ZBED1: variants seen among roughly 807,000 people sequenced by gnomAD.
ZBED1 encodes the protein E3 SUMO-protein ligase ZBED1.
ZBED1 carries 19 observed loss-of-function variants against 49.7 expected under a neutral mutation model. That is an observed-to-expected ratio of 0.38 (90% CI 0.27 to 0.56). The LOEUF is 0.56. ZBED1 is among the 20% of genes least tolerant of loss of function. The probability of loss-of-function intolerance (pLI) is 0.70; values close to 1 mark genes in which losing one functional copy is unlikely to be tolerated. For missense variants in ZBED1, 806 were observed against 972.6 expected, an observed-to-expected ratio of 0.83 and a Z score of 2.28; for synonymous variants, 439 against 440.3, an observed-to-expected ratio of 1.00 and a Z score of 0.04.
chrX:2,490,712 T>G lies in ZBED1; in HGVS notation c.8A>C (p.Asn3Thr). ME[N>T]KSLESSQTDL... ...TGTCTGGGAGCTCTCCAGGCTTTTATTCTCCATTGCTTCTCCACCGGAGCC... is the reference window on the plus strand; with the variant it reads ...TGTCTGGGAGCTCTCCAGGCTTTTAGTCTCCATTGCTTCTCCACCGGAGCC... Residue 3 changes from asparagine (N) to threonine (T), a missense_variant, in exon 2 of 2, where the codon AAT becomes ACT. Physicochemically the swap from Asn to Thr is moderately conservative, Grantham distance 65. This residue lies in a region of ZBED1 where 57 missense variants were observed against 111.3 expected (regional missense o/e 0.51). Transcript: ENST00000652001. 1.2e-6 allele frequency: 2 copies of G among 1,612,968 alleles called. No homozygotes were observed. The highest frequency in any genetic ancestry group is 1.7e-6 in the Non-Finnish European group (2 of 1,179,278).
chrX:2,498,147 A>G (rs1286532327), intron 1 of ZBED1, among the ~76,000 whole-genome samples: 1 of 152,180 alleles, frequency 6.6e-6, no homozygotes, highest in Non-Finnish European at 1.5e-5. Flanking sequence ...CTTCCTTCTC[A>G]TACCATGTAA....
At chrX:2,493,988 CA>C (rs200899696) in intron 1 of ZBED1, among the ~76,000 whole-genome samples, 5 of 149,770 alleles carry the variant, frequency 3.3e-5, no homozygotes, top group East Asian at 1.9e-4. Context: ...AAGAAGAAAA[CA>C]AAAAAAAAGA....
chrX:2,489,913 G>C lies in ZBED1; in HGVS notation c.807C>G (p.Thr269=). ...CCTTCACGATGTCCTTGCCATAGTTGGTGGTGGCCCCGAAGACCTTGGCGC... is the reference window on the plus strand; with the variant it reads ...CCTTCACGATGTCCTTGCCATAGTTCGTGGTGGCCCCGAAGACCTTGGCGC... The part of the protein sequence containing the change: ...GISAKVFGAT[T]NYGKDIVKAC... Residue 269 remains threonine (T), a synonymous_variant, in exon 2 of 2, where the codon ACC becomes ACG. Transcript: ENST00000652001. The C allele has an allele frequency of 6.2e-7, 1 of 1,613,884 alleles. No homozygotes were observed. The highest frequency in any genetic ancestry group is 1.7e-4 in the Middle Eastern group (1 of 6,056).
chrX:2,499,864 G>C (rs2045371981), intron 1 of ZBED1, among the ~76,000 whole-genome samples: 4 of 152,254 alleles, frequency 2.6e-5, no homozygotes, highest in Admixed American at 2.0e-4. Flanking sequence ...GAGCAACATA[G>C]CAAGACCCCG....
At chrX:2,491,437 G>A (rs748301269) in intron 1 of ZBED1, among the ~76,000 whole-genome samples, 12 of 152,280 alleles carry the variant, frequency 7.9e-5, no homozygotes, top group Non-Finnish European at 1.0e-4. Flanking sequence ...CACCTGCCAC[G>A]TGGGAAAGCT....
rs148455032 is a variant in ZBED1, at chrX:2,488,738, T to G, written c.1982A>C (p.Asp661Ala). The change falls in exon 2 of 2, where the codon GAC becomes GCC. Residue 661 changes from aspartate to alanine, a missense_variant. This residue lies in a region of ZBED1 where 749 missense variants were observed against 861.3 expected (regional missense o/e 0.87). Transcript: ENST00000652001. Reference sequence around the variant, plus strand: ...CAGGCCCCACTCCCCCTCGTCCTGGTCCTCGGGTTCCGCCTCTGCCCCACT... The same window carrying G: ...CAGGCCCCACTCCCCCTCGTCCTGGGCCTCGGGTTCCGCCTCTGCCCCACT... ...ARSGAEAEPE[D>A]QDEGEWGLDQ... 1,759 of 1,613,908 alleles carry G rather than the reference T, an allele frequency of 1.1e-3. 11 individuals are homozygous for G. The highest frequency in any genetic ancestry group is 5.4e-4 in the Non-Finnish European group (639 of 1,179,876).
In ZBED1 at chrX:2,494,269, CATT is replaced by C. The variant is rs201608969; in HGVS notation, c.-53-3500_-53-3498del. Among the ~76,000 whole-genome samples, 306 of 150,922 alleles carry C rather than the reference CATT, an allele frequency of 2.0e-3. 1 individual carries two copies. The highest frequency in any genetic ancestry group is 6.3e-3 in the African/African-American group (260 of 41,158). On this transcript the variant is annotated intron_variant, in intron 1 of 1. Transcript: ENST00000652001. Reference sequence around the variant, plus strand: ...CCTGTAGCAAAGGCTTATATTATTACATTATTATTATTATTAGGCTGGAAGAGG... The same window carrying C: ...CCTGTAGCAAAGGCTTATATTATTACATTATTATTATTAGGCTGGAAGAGG...
rs368610328 is a variant in ZBED1, at chrX:2,490,372, G to A, written c.348C>T (p.His116=). The change falls in exon 2 of 2, where the codon CAC becomes CAT. Residue 116 remains histidine, a synonymous_variant. Coordinates refer to ENST00000652001, the MANE Select transcript of ZBED1 (RefSeq NM_001171136.2). ...GQDALAVKAG[H]GYDSKKQQEL... ...CCTGCTGCTTCTTGCTGTCGTAGCC[G>A]TGGCCGGCCTTGACGGCCAGCGCGT... is the stretch of plus-strand genomic sequence containing the variant. 2.7e-5 allele frequency: 43 copies of A among 1,613,468 alleles called. No individual in the cohort carries two copies. The highest frequency in any genetic ancestry group is 3.4e-5 in the Non-Finnish European group (40 of 1,179,834).
At position 2,496,642 on chromosome X, in the gene ZBED1, C is replaced by G. The variant is rs780262064; in HGVS notation, c.-54+4175G>C. 3.3e-5 allele frequency among the ~76,000 whole-genome samples: 5 copies of G among 151,942 alleles called. No homozygotes were observed. In the South Asian group the frequency reaches 6.2e-4, roughly 19 times the overall value. ...CCCAATAACCTATGGAAATAAAAAA[C>G]AAAAATAGCTAAAAGAGATTTTAAA... On this transcript the variant is annotated intron_variant, in intron 1 of 1. Coordinates refer to ENST00000652001, the MANE Select transcript of ZBED1 (RefSeq NM_001171136.2).
intron 1 of ZBED1, among the ~76,000 whole-genome samples, chrX:2,496,260 G>A (rs1326308320): frequency 1.3e-5 from 2 of 152,040 alleles, no homozygotes; most frequent in Non-Finnish European, 2.9e-5. Context: ...GTGCAGTGGC[G>A]CAATCTTGGC....
chrX:2,497,678 A>G (rs925542912), intron 1 of ZBED1, among the ~76,000 whole-genome samples: 7 of 152,202 alleles, frequency 4.6e-5, no homozygotes, highest in Non-Finnish European at 7.3e-5. Context: ...AACTTTTAAG[A>G]AAAATTCTGT....
intron 1 of ZBED1, among the ~76,000 whole-genome samples, chrX:2,498,627 A>G (rs2045340601): frequency 7.4e-6 from 1 of 135,858 alleles, no homozygotes; most frequent in African/African-American, 2.6e-5. Flanking sequence ...GTAAATGGGA[A>G]AAAAAAAAAA....
At position 2,488,146 on chromosome X, in the gene ZBED1, G is replaced by T. The variant is rs766969257; in HGVS notation, c.*489C>A. 6.0e-4 allele frequency: 92 copies of T among 153,956 alleles called. No individual in the cohort carries two copies. Among genetic ancestry groups the T allele is most frequent in the Middle Eastern group, 6.7e-3 (2 of 298 alleles). The allele number at this position is 153,956 out of a possible 1,614,324, so 9.5% of individuals were successfully genotyped here. ...AAGTCGTCCGGGCCCCGGGAATAGG[G>T]GAGGAAAGGAAACCCACTCAAAGCC... On this transcript the variant is annotated 3_prime_UTR_variant, in exon 2 of 2. Transcript: ENST00000652001.
chrX:2,491,798 G>C (rs1158921355), intron 1 of ZBED1, among the ~76,000 whole-genome samples: 1 of 152,180 alleles, frequency 6.6e-6, no homozygotes, highest in African/African-American at 2.4e-5. Context: ...GGCCCAACTG[G>C]GCAAATATCA....
intron 1 of ZBED1, among the ~76,000 whole-genome samples, chrX:2,499,503 C>A (rs1484438759): frequency 6.6e-6 from 1 of 152,208 alleles, no homozygotes; most frequent in Non-Finnish European, 1.5e-5. Flanking sequence ...GGCACAGTGG[C>A]GCTCTGTCTG....
chrX:2,500,661 C>CCCA (rs2045402299), intron 1 of ZBED1, 156 bp downstream of exon 1: 1 of 147,112 alleles, frequency 6.8e-6, no homozygotes, highest in Non-Finnish European at 1.5e-5. Context: ...GCCGCCCCCC[C>CCCA]CCCACCCCCG....
At chrX:2,490,809 A>C in intron 1 of ZBED1, 37 bp from the exon 2 acceptor site, 1 of 1,526,746 alleles carries the variant, frequency 6.5e-7, no homozygotes, top group Non-Finnish European at 8.8e-7. Context: ...ATGAGAAGGG[A>C]CCCAGGCACG....
chrX:2,495,924 A>G (rs114876266), intron 1 of ZBED1, among the ~76,000 whole-genome samples: 3,722 of 152,254 alleles, frequency 0.024, 144 homozygotes, highest in African/African-American at 0.085. Context: ...GTGAAGAAGC[A>G]GAGGAAGGAG....
chrX:2,492,791 T>C (rs2045188229), intron 1 of ZBED1, among the ~76,000 whole-genome samples: 1 of 152,202 alleles, frequency 6.6e-6, no homozygotes, highest in Non-Finnish European at 1.5e-5. Context: ...AGCGCAGCCC[T>C]GAGACACTTT....
Sources: gnomAD v4.1 joint callset for allele counts (sites outside exome capture counted in the v4.1 genomes callset) on GRCh38, gnomAD v4.1.1 for gene constraint, gnomAD v4.1.1 regional missense constraint, MANE v1.5 for transcripts, NCBI Gene and HGNC (gene_info 2026-07-23, HGNC 2026-07-21) for gene names.